The following KAZN variants were observed in gnomAD, a reference collection of about 807,000 sequenced individuals.
The protein encoded by KAZN is kazrin, periplakin interacting protein.
Under a neutral mutation model 87.4 loss-of-function variants are expected in KAZN, and 40 were observed. The observed-to-expected ratio is 0.46, with a 90% CI of 0.36 to 0.60. KAZN has a LOEUF of 0.60. Among genes scored for constraint, KAZN ranks in the 20% least tolerant of loss-of-function variants. KAZN has a pLI of 0.00. For synonymous variants in KAZN, 466 were observed against 458.3 expected (o/e 1.02, Z -0.22); for missense variants, 898 against 1,073.9 (o/e 0.84, Z 2.29).
At chr1:14,978,905 G>A (rs1246221912) in intron 2 of KAZN, among the ~76,000 whole-genome samples, 1 of 151,992 alleles carries the variant, frequency 6.6e-6, no homozygotes, top group Non-Finnish European at 1.5e-5. Flanking sequence ...GTGGGAGGGA[G>A]GTTTTGGGGT....
chr1:14,432,716 C>A (rs138846461), intron 2 of KAZN, among the ~76,000 whole-genome samples: 539 of 152,166 alleles, frequency 3.5e-3, no homozygotes, highest in African/African-American at 0.012. Context: ...TGTTCTCTCT[C>A]CCCTTTCCCC....
intron 3 of KAZN, among the ~76,000 whole-genome samples, chr1:15,043,546 G>C (rs967579667): frequency 6.7e-6 from 1 of 150,160 alleles, no homozygotes; most frequent in African/African-American, 2.4e-5. Flanking sequence ...CTTCCAGCTA[G>C]TTTGTGGCAG....
At chr1:14,873,799 G>C (rs1652447137) in intron 1 of KAZN, among the ~76,000 whole-genome samples, 1 of 152,216 alleles carries the variant, frequency 6.6e-6, no homozygotes, top group Non-Finnish European at 1.5e-5. Flanking sequence ...GCTGGGACCA[G>C]GGAGAGAGCA....
intron 2 of KAZN, among the ~76,000 whole-genome samples, chr1:14,367,681 G>C (rs923091908): frequency 6.6e-6 from 1 of 152,016 alleles, no homozygotes; most frequent in Non-Finnish European, 1.5e-5. Context: ...TCTCTTCTTG[G>C]CTGCCATGCC....
chr1:14,825,601 G>A (rs1330265673), intron 1 of KAZN, among the ~76,000 whole-genome samples: 1 of 152,098 alleles, frequency 6.6e-6, no homozygotes, highest in Non-Finnish European at 1.5e-5. Flanking sequence ...AGCAAACTGA[G>A]GCACAAAGAG....
chr1:14,868,782 T>C (rs1035221195), intron 1 of KAZN, among the ~76,000 whole-genome samples: 1 of 151,924 alleles, frequency 6.6e-6, no homozygotes. Flanking sequence ...AACTCAAGGC[T>C]GCAGTGAGCT....
intron 2 of KAZN, among the ~76,000 whole-genome samples, chr1:14,470,794 A>G (rs1340461053): frequency 4.6e-5 from 7 of 152,146 alleles, no homozygotes; most frequent in Non-Finnish European, 1.0e-4. Flanking sequence ...ATGGCTCCCC[A>G]AGACCCCTGC....
At chr1:14,145,098 C>T (rs934633935) in intron 1 of KAZN, among the ~76,000 whole-genome samples, 1 of 152,144 alleles carries the variant, frequency 6.6e-6, no homozygotes, top group Admixed American at 6.5e-5. Flanking sequence ...TACCTCTACC[C>T]TCCTTCCCTT....
intron 2 of KAZN, among the ~76,000 whole-genome samples, chr1:15,007,665 C>T (rs915030422): frequency 4.6e-5 from 7 of 152,138 alleles, no homozygotes; most frequent in East Asian, 1.9e-4. Flanking sequence ...TCTGCTCTGC[C>T]GGGCAGGTAG....
At chr1:14,506,745 T>C (rs1670604251) in intron 2 of KAZN, among the ~76,000 whole-genome samples, 1 of 152,202 alleles carries the variant, frequency 6.6e-6, no homozygotes, top group East Asian at 1.9e-4. Context: ...GGACAGTGCT[T>C]TAGAATGCAT....
chr1:14,782,255 T>C (rs1645372840), intron 1 of KAZN, among the ~76,000 whole-genome samples: 1 of 152,072 alleles, frequency 6.6e-6, no homozygotes, highest in Admixed American at 6.6e-5. Context: ...CTCATTGAAA[T>C]GCACCTCCCG....
In KAZN at chr1:14,052,708, C is replaced by T. The variant is rs546452241; in HGVS notation, c.92-127727C>T. Among the ~76,000 whole-genome samples the T allele has an allele frequency of 4.6e-5, 7 of 152,232 alleles. No homozygotes were observed. In the South Asian group the frequency reaches 1.0e-3, roughly 23 times the overall value. On this transcript the variant is annotated intron_variant, in intron 1 of 16. Transcript: ENST00000636203. ...CATCCTGGAGAGCAGCAAAAGGAGA[C>T]TGAGAAGTTAAGGTAACAAAGGAGA... is the stretch of plus-strand genomic sequence containing the variant.
At chr1:14,278,291 CTTTTTTTTT>C (rs869207394) in intron 2 of KAZN, among the ~76,000 whole-genome samples, 1 of 135,082 alleles carries the variant, frequency 7.4e-6, no homozygotes, top group African/African-American at 2.8e-5. Flanking sequence ...GCACTGATTC[CTTTTTTTTT>C]TTTTTTTTGA....
chr1:14,060,937 C>A (rs1347342514), intron 1 of KAZN, among the ~76,000 whole-genome samples: 1 of 152,184 alleles, frequency 6.6e-6, no homozygotes, highest in African/African-American at 2.4e-5. Context: ...GGATAGTGCC[C>A]TGGATTTGGA....
intron 2 of KAZN, among the ~76,000 whole-genome samples, chr1:14,426,242 C>T (rs938940645): frequency 3.1e-4 from 47 of 152,198 alleles, no homozygotes; most frequent in Non-Finnish European, 4.4e-5. Flanking sequence ...TAATGACCTC[C>T]TTCAGGGCTC....
intron 1 of KAZN, among the ~76,000 whole-genome samples, chr1:14,689,202 A>G (rs1009044354): frequency 9.2e-4 from 113 of 122,930 alleles, no homozygotes; most frequent in Non-Finnish European, 1.5e-3. Flanking sequence ...CTCAAAACAA[A>G]ACAAAACAAA....
intron 2 of KAZN, among the ~76,000 whole-genome samples, chr1:14,180,951 A>G (rs1646184619): frequency 6.6e-6 from 1 of 152,146 alleles, no homozygotes; most frequent in Non-Finnish European, 1.5e-5. Flanking sequence ...CAAACAGCAT[A>G]AGTAACTAAT....
chr1:14,898,125 G>T (rs965868363), intron 1 of KAZN, among the ~76,000 whole-genome samples: 4 of 152,284 alleles, frequency 2.6e-5, no homozygotes, highest in African/African-American at 9.6e-5. Flanking sequence ...ACAGTTATAA[G>T]CGAGAATCCA....
chr1:14,894,214 C>G (rs1655021895), intron 1 of KAZN, among the ~76,000 whole-genome samples: 1 of 152,156 alleles, frequency 6.6e-6, no homozygotes, highest in South Asian at 2.1e-4. Flanking sequence ...CCGCTCCAGC[C>G]TACAGTTTCT....
Sources: gnomAD v4.1 joint callset for allele counts (sites outside exome capture counted in the v4.1 genomes callset) on GRCh38, gnomAD v4.1.1 for gene constraint, MANE v1.5 for transcripts, NCBI Gene and HGNC (gene_info 2026-07-23, HGNC 2026-07-21) for gene names.